Variants in MALRD1 observed in about 807,000 individuals in gnomAD.
The protein encoded by MALRD1 is MAM and LDL-receptor class A domain-containing protein 1.
A neutral mutation model predicts 242.1 loss-of-function variants in MALRD1; 247 were observed. The observed-to-expected ratio is 1.02, with a 90% CI of 0.92 to 1.13. The LOEUF (loss-of-function observed/expected upper bound fraction) is 1.13. Among genes scored for constraint, MALRD1 ranks in the 50% most tolerant of loss-of-function variants. The probability of loss-of-function intolerance (pLI) is 0.00; values close to 1 mark genes in which losing one functional copy is unlikely to be tolerated. For missense variants in MALRD1, 2,989 were observed against 2,533.1 expected, an observed-to-expected ratio of 1.18 and a Z score of -3.86; for synonymous variants, 995 against 866.6, an observed-to-expected ratio of 1.15 and a Z score of -2.60.
intron 36 of MALRD1, among the ~76,000 whole-genome samples, chr10:19,640,736 T>G (rs990269831): frequency 6.6e-6 from 1 of 152,200 alleles, no homozygotes; most frequent in Non-Finnish European, 1.5e-5. Context: ...TTTCATTTTT[T>G]GAACTTATCT....
intron 18 of MALRD1, among the ~76,000 whole-genome samples, chr10:19,229,104 G>A (rs1032799799): frequency 6.6e-6 from 1 of 151,976 alleles, no homozygotes; most frequent in Admixed American, 6.6e-5. Context: ...TAAAAATAAA[G>A]TGAACACACT....
At chr10:19,204,801 A>G in intron 16 of MALRD1, 97 bp from the exon 17 acceptor site, 1 of 1,279,324 alleles carries the variant, frequency 7.8e-7, no homozygotes, top group Admixed American at 2.8e-5. Flanking sequence ...ATGATAACTC[A>G]TTAAAATTGA....
At chr10:19,144,771 G>A (rs1178198886) in intron 10 of MALRD1, among the ~76,000 whole-genome samples, 1 of 152,154 alleles carries the variant, frequency 6.6e-6, no homozygotes, top group Non-Finnish European at 1.5e-5. Flanking sequence ...CAAGCAAGTT[G>A]CTTCATGTTC....
chr10:19,380,979 C>T (rs61850925), intron 26 of MALRD1, among the ~76,000 whole-genome samples: 12,205 of 149,824 alleles, frequency 0.081, 794 homozygotes, highest in African/African-American at 0.18. Context: ...TACATATGTA[C>T]ACATGTGCCA....
At chr10:19,554,526 T>TTCTAATGC (rs1303915660) in intron 32 of MALRD1, among the ~76,000 whole-genome samples, 1 of 152,118 alleles carries the variant, frequency 6.6e-6, no homozygotes, top group Non-Finnish European at 1.5e-5. Context: ...TAGCCATTTT[T>TTCTAATGC]TCTAATGCTC....
rs551229246 is a variant in MALRD1, at chr10:19,104,719, A to T, written c.694+644A>T. Among the ~76,000 whole-genome samples the T allele has an allele frequency of 3.9e-5, 6 of 152,220 alleles. No homozygotes were observed. The South Asian group carries it at 1.0e-3, about 26-fold the overall frequency. On this transcript the variant is annotated intron_variant, in intron 5 of 39. Coordinates refer to ENST00000454679, the MANE Select transcript of MALRD1 (RefSeq NM_001142308.3). ...AAGAATTTTGTTATATTGTGGCATG[A>T]TATAACAGAATAAAGAAGGTATTTT...
At chr10:19,624,427 A>G (rs1434099838) in intron 36 of MALRD1, among the ~76,000 whole-genome samples, 1 of 152,168 alleles carries the variant, frequency 6.6e-6, no homozygotes, top group Non-Finnish European at 1.5e-5. Context: ...ACTGTTCTGT[A>G]GCTTTCTTTC....
At position 19,389,534 on chromosome 10, in the gene MALRD1, C is replaced by A; in HGVS notation, c.4770C>A (p.Ser1590=). 6.4e-7 allele frequency: 1 copy of A among 1,550,624 alleles called. No individual in the cohort carries two copies. The highest frequency in any genetic ancestry group is 8.7e-7 in the Non-Finnish European group (1 of 1,146,942). The part of the protein sequence containing the change: ...AHFRSTMWRE[S]SAACTMSFWY... ...TCAGGAGTACCATGTGGCGAGAATC[C>A]AGTGCAGCCTGCACCATGAGCTTCT... The change falls in exon 28 of 40, where the codon TCC becomes TCA. Residue 1590 remains serine (S), a synonymous_variant. Transcript: ENST00000454679.
chr10:19,540,634 C>T (rs1447954281), intron 32 of MALRD1, among the ~76,000 whole-genome samples: 3 of 152,100 alleles, frequency 2.0e-5, no homozygotes, highest in African/African-American at 7.2e-5. Context: ...TGGTTATTCT[C>T]ATGAGATGTT....
At chr10:19,644,621 C>A (rs559246372) in intron 36 of MALRD1, among the ~76,000 whole-genome samples, 1 of 152,204 alleles carries the variant, frequency 6.6e-6, no homozygotes, top group Non-Finnish European at 1.5e-5. Context: ...TATCCTATGA[C>A]AAGACCCCAA....
intron 28 of MALRD1, among the ~76,000 whole-genome samples, chr10:19,402,610 T>C (rs950488964): frequency 1.3e-5 from 2 of 152,122 alleles, no homozygotes; most frequent in Admixed American, 1.3e-4. Context: ...ATTAGCAGCA[T>C]GAGAACAGAC....
chr10:19,283,205 A>G (rs775746725), intron 21 of MALRD1, 24 bp downstream of exon 21: 30 of 1,484,018 alleles, frequency 2.0e-5, no homozygotes, highest in African/African-American at 1.7e-4. Context: ...TATTTTGAAT[A>G]TCTCTCTTGG....
At chr10:19,540,153 G>C (rs1834898982) in intron 32 of MALRD1, among the ~76,000 whole-genome samples, 1 of 152,056 alleles carries the variant, frequency 6.6e-6, no homozygotes, top group South Asian at 2.1e-4. Flanking sequence ...TCTGTCATTA[G>C]ATCTACAGTT....
At chr10:19,295,216 A>G (rs1451519719) in intron 21 of MALRD1, among the ~76,000 whole-genome samples, 1 of 152,120 alleles carries the variant, frequency 6.6e-6, no homozygotes, top group African/African-American at 2.4e-5. Flanking sequence ...ATTATAAATT[A>G]TTACAAATTA....
rs1835066828 is a variant in MALRD1 at position 19,172,746 on chromosome 10, G to A, written c.1831-2462G>A. ...CAAATGCTTGTCTAATGAGTCTGAA[G>A]AATTAAACATCTATTTTAATTGACA... is the stretch of plus-strand genomic sequence containing the variant. On this transcript the variant is annotated intron_variant, in intron 13 of 39. Transcript: ENST00000454679. 2.0e-5 allele frequency among the ~76,000 whole-genome samples: 3 copies of A among 151,370 alleles called. 1 individual carries two copies. Among genetic ancestry groups the A allele is most frequent in the South Asian group, 4.2e-4 (2 of 4,788 alleles).
At chr10:19,328,153 ATAG>A (rs1297385318) in intron 23 of MALRD1, among the ~76,000 whole-genome samples, 1 of 152,154 alleles carries the variant, frequency 6.6e-6, no homozygotes, top group African/African-American at 2.4e-5. Flanking sequence ...GGAATTTGTG[ATAG>A]TAGTAAGAGG....
chr10:19,542,936 C>T (rs1218903753), intron 32 of MALRD1, among the ~76,000 whole-genome samples: 1 of 152,088 alleles, frequency 6.6e-6, no homozygotes, highest in Non-Finnish European at 1.5e-5. Context: ...GGAATTACAA[C>T]TTTTATCAAC....
chr10:19,209,701 A>G, intron 18 of MALRD1, 21 bp downstream of exon 18: 1 of 1,509,238 alleles, frequency 6.6e-7, no homozygotes, highest in Non-Finnish European at 8.9e-7. Context: ...TAGATTTTAT[A>G]ATGTACATTT....
chr10:19,255,152 G>T (rs1053956047), intron 18 of MALRD1, among the ~76,000 whole-genome samples: 1 of 151,944 alleles, frequency 6.6e-6, no homozygotes, highest in African/African-American at 2.4e-5. Flanking sequence ...TTTCCAAGAC[G>T]ATGATAGTTC....
Sources: allele counts gnomAD v4.1 joint callset (sites outside exome capture counted in the v4.1 genomes callset), GRCh38; gene constraint gnomAD v4.1.1; transcripts MANE v1.5; gene names NCBI Gene and HGNC (gene_info 2026-07-23, HGNC 2026-07-21).